NAPG: variants seen among roughly 807,000 people sequenced by gnomAD.
The protein encoded by NAPG is NSF attachment protein gamma.
In NAPG, 25 loss-of-function variants were observed where a neutral mutation model predicts 48.4. That is an observed-to-expected ratio of 0.52 (90% CI 0.38 to 0.72). The LOEUF (loss-of-function observed/expected upper bound fraction) is 0.72, where lower values mean the gene tolerates loss of function less well. Ranked by LOEUF, NAPG falls within the 30% of genes least tolerant of loss-of-function variation. NAPG has a pLI of 0.00. For missense variants in NAPG, 359 were observed against 372.5 expected (o/e 0.96, Z 0.30); for synonymous variants, 139 against 127.2 (o/e 1.09, Z -0.62).
intron 5 of NAPG, among the ~76,000 whole-genome samples, chr18:10,536,211 T>G (rs2032029396): frequency 6.6e-6 from 1 of 152,184 alleles, no homozygotes; most frequent in Admixed American, 6.5e-5. Context: ...TGAAAGAAAA[T>G]TAACTTAGTG....
rs759174524 is a variant in NAPG at position 10,550,135 on chromosome 18, C to T, written c.854C>T (p.Pro285Leu). Residue 285 changes from proline to leucine, a missense_variant, in exon 12 of 12, where the codon CCT becomes CTT. By Grantham distance (98) the Pro-to-Leu change is moderately conservative. Coordinates refer to ENST00000322897, the MANE Select transcript of NAPG (RefSeq NM_003826.3). ...VPGGGIKKKS[P>L]ATPQAKPDGV... ...GGAGGGGGAATCAAGAAGAAATCAC[C>T]TGCAACACCACAGGCCAAGCCTGAT... 1.3e-6 allele frequency: 2 copies of T among 1,576,796 alleles called. No individual in the cohort carries two copies. Among genetic ancestry groups the T allele is most frequent in the African/African-American group, 2.8e-5 (2 of 72,286 alleles).
chr18:10,533,583 G>A (rs573901378), intron 4 of NAPG, 30 bp downstream of exon 4: 2 of 1,571,180 alleles, frequency 1.3e-6, no homozygotes, highest in East Asian at 2.3e-5. Context: ...TCATGTATTT[G>A]CAAATTATGT....
At position 10,550,273 on chromosome 18, in the gene NAPG, A is replaced by G. The variant is rs2032361005; in HGVS notation, c.*53A>G. 6.5e-7 allele frequency: 1 copy of G among 1,537,160 alleles called. No individual in the cohort carries two copies. Among genetic ancestry groups the G allele is most frequent in the Non-Finnish European group, 8.7e-7 (1 of 1,145,384 alleles). ...AACAAAGGTAAAATCCTGACATGCC[A>G]TTTCAAGGACTTGGGAATAGATTAG... On this transcript the variant is annotated 3_prime_UTR_variant, in exon 12 of 12. Transcript: ENST00000322897.
In NAPG at chr18:10,548,629, C is replaced by T. The variant is rs565743933; in HGVS notation, c.665+251C>T. Among the ~76,000 whole-genome samples, 3 of 147,158 alleles carry T rather than the reference C, an allele frequency of 2.0e-5. No homozygotes were observed. The South Asian group carries it at 6.4e-4, about 31-fold the overall frequency. Reference sequence around the variant, plus strand: ...TCATTTTAGTCATTTTATTTGCCTTCTAAGAAAAAAAGAACAAGAAAAAGG... The same window carrying T: ...TCATTTTAGTCATTTTATTTGCCTTTTAAGAAAAAAAGAACAAGAAAAAGG... On this transcript the variant is annotated intron_variant, in intron 10 of 11. Coordinates refer to ENST00000322897, the MANE Select transcript of NAPG (RefSeq NM_003826.3). The surrounding 1 kb of genome is among the most constrained non-coding windows in gnomAD (Gnocchi z 4.4).
chr18:10,528,851 A>T (rs541706700), intron 1 of NAPG, among the ~76,000 whole-genome samples: 1 of 152,330 alleles, frequency 6.6e-6, no homozygotes, highest in African/African-American at 2.4e-5. Context: ...AGTGGGTGGT[A>T]GGAAAAATGG....
intron 1 of NAPG, among the ~76,000 whole-genome samples, chr18:10,527,438 G>A (rs1395710341): frequency 6.6e-6 from 1 of 152,192 alleles, no homozygotes; most frequent in Non-Finnish European, 1.5e-5. Context: ...GAGGCAGTCA[G>A]CGTGTAAGGT....
At chr18:10,533,075 A>G in intron 3 of NAPG, 1 of 347,172 alleles carries the variant, frequency 2.9e-6, no homozygotes, top group Non-Finnish European at 5.2e-6. Flanking sequence ...AAATCTGTAG[A>G]CATGTGCTGA....
chr18:10,548,635 A>G lies in NAPG; in HGVS notation c.665+257A>G, dbSNP rs925951845. On this transcript the variant is annotated intron_variant, in intron 10 of 11. Transcript: ENST00000322897. This position sits in a 1 kb window ranked among gnomAD's most constrained non-coding sequence, Gnocchi z 4.4. ...TAGTCATTTTATTTGCCTTCTAAGA[A>G]AAAAAGAACAAGAAAAAGGGGGAAA... 1.3e-5 allele frequency among the ~76,000 whole-genome samples: 2 copies of G among 152,058 alleles called. No individual in the cohort carries two copies. Among genetic ancestry groups the G allele is most frequent in the Non-Finnish European group, 2.9e-5 (2 of 68,008 alleles).
rs1263075185 is a variant in NAPG at position 10,548,032 on chromosome 18, A to G, written c.586-267A>G. On this transcript the variant is annotated intron_variant, in intron 9 of 11. Transcript: ENST00000322897. The surrounding 1 kb of genome is among the most constrained non-coding windows in gnomAD (Gnocchi z 4.4). ...GTCAAAGTGCGGTCCCCAGACCAGC[A>G]GCAGGAGTGCCCCCTGGAATTTGTT... Among the ~76,000 whole-genome samples the G allele has an allele frequency of 2.6e-5, 4 of 152,230 alleles. No individual in the cohort carries two copies. The highest frequency in any genetic ancestry group is 4.1e-4 in the South Asian group (2 of 4,832).
intron 11 of NAPG, 53 bp from the exon 12 acceptor site, chr18:10,550,023 AC>A: frequency 6.8e-7 from 1 of 1,475,806 alleles, no homozygotes; most frequent in Non-Finnish European, 8.9e-7. Context: ...GCTGAGTAAA[AC>A]ATGTTAGGAT....
chr18:10,546,486 C>A lies in NAPG; in HGVS notation c.585+82C>A. 1.3e-6 allele frequency: 1 copy of A among 752,622 alleles called. No homozygotes were observed. Among genetic ancestry groups the A allele is most frequent in the Non-Finnish European group, 2.1e-6 (1 of 485,252 alleles). 46.6% of individuals were successfully genotyped at this position (752,622 alleles called of 1,614,324 possible). A position where few individuals can be genotyped will look rare whatever the true frequency, so the allele number is the denominator to read the frequency against. On this transcript the variant is annotated intron_variant, in intron 9 of 11. Coordinates refer to ENST00000322897, the MANE Select transcript of NAPG (RefSeq NM_003826.3). The surrounding 1 kb of genome is among the most constrained non-coding windows in gnomAD (Gnocchi z 4.0). Reference sequence around the variant, plus strand: ...ATGAATAAGTACTTAAGAAAGGATTCTATGGGTATTTCTATGTTTTTGTAA... The same window carrying A: ...ATGAATAAGTACTTAAGAAAGGATTATATGGGTATTTCTATGTTTTTGTAA...
intron 5 of NAPG, among the ~76,000 whole-genome samples, chr18:10,537,471 TGAG>T: frequency 6.6e-6 from 1 of 152,232 alleles, no homozygotes; most frequent in Admixed American, 6.5e-5. Context: ...ACGTTTGGGC[TGAG>T]GAGGAGGAAG....
chr18:10,549,904 A>G (rs1192758263), intron 11 of NAPG, among the ~76,000 whole-genome samples, 173 bp from the exon 12 acceptor site: 1 of 152,180 alleles, frequency 6.6e-6, no homozygotes, highest in African/African-American at 2.4e-5. Context: ...TACCTGTCCC[A>G]CCATGGTCAT....
intron 5 of NAPG, among the ~76,000 whole-genome samples, chr18:10,537,471 TGAGGAGGAGGAAGAG>T (rs936787320): frequency 7.2e-5 from 11 of 152,114 alleles, no homozygotes; most frequent in African/African-American, 2.4e-4. Flanking sequence ...ACGTTTGGGC[TGAGGAGGAGGAAGAG>T]GAGGAGGAGG....
chr18:10,528,939 A>G (rs1164262487), intron 1 of NAPG, among the ~76,000 whole-genome samples: 1 of 152,222 alleles, frequency 6.6e-6, no homozygotes, highest in African/African-American at 2.4e-5. Flanking sequence ...GTAATTTTGT[A>G]AATTGATCCC....
chr18:10,533,448 T>G (rs1320260923), intron 3 of NAPG, 88 bp from the exon 4 acceptor site: 1 of 1,202,228 alleles, frequency 8.3e-7, no homozygotes, highest in Non-Finnish European at 1.2e-6. Context: ...GGTCAGTGAT[T>G]TAGTTAACTG....
At chr18:10,535,474 A>G (rs753952179) in intron 5 of NAPG, among the ~76,000 whole-genome samples, 24 of 152,220 alleles carry the variant, frequency 1.6e-4, no homozygotes, top group Non-Finnish European at 3.4e-4. Flanking sequence ...ATAATAGGAA[A>G]GTGAGGTTGG....
chr18:10,552,360 G>A lies in NAPG; in HGVS notation c.*2140G>A, dbSNP rs1014622601. 5 of 152,310 alleles carry A rather than the reference G, an allele frequency of 3.3e-5. No homozygotes were observed. Among genetic ancestry groups the A allele is most frequent in the Non-Finnish European group, 5.9e-5 (4 of 68,030 alleles). The allele number at this position is 152,310 out of a possible 1,614,324, so 9.4% of individuals were successfully genotyped here. On this transcript the variant is annotated 3_prime_UTR_variant, in exon 12 of 12. Coordinates refer to ENST00000322897, the MANE Select transcript of NAPG (RefSeq NM_003826.3). ...TTGTTTGTTGTCAGGGTTATTCTGTGTGGTAAGGAATATTTGTTTCACATT... is the reference window on the plus strand; with the variant it reads ...TTGTTTGTTGTCAGGGTTATTCTGTATGGTAAGGAATATTTGTTTCACATT...
rs558474283 is a variant in NAPG, at chr18:10,531,321, T to C, written c.124+484T>C. On this transcript the variant is annotated intron_variant, in intron 2 of 11. Transcript: ENST00000322897. ...GTTCAGTGTTCATGAAGTGTTAAGC[T>C]ATATACATATTTTAATCAATTTATC... Among the ~76,000 whole-genome samples, 146 of 152,346 alleles carry C rather than the reference T, an allele frequency of 9.6e-4. 1 individual carries two copies. The highest frequency in any genetic ancestry group is 6.8e-3 in the Middle Eastern group (2 of 294).
Sources: allele counts gnomAD v4.1 joint callset (sites outside exome capture counted in the v4.1 genomes callset), GRCh38; gene constraint gnomAD v4.1.1; non-coding constraint Gnocchi (gnomAD v3.1); transcripts MANE v1.5; gene names NCBI Gene and HGNC (gene_info 2026-07-23, HGNC 2026-07-21).